SGCZ: variants seen among roughly 807,000 people sequenced by gnomAD.
The protein encoded by SGCZ is zeta-sarcoglycan.
SGCZ carries 40 observed loss-of-function variants against 41.3 expected under a neutral mutation model. The observed-to-expected ratio is 0.97, with a 90% CI of 0.75 to 1.26. The LOEUF is 1.26. Ranked by LOEUF, SGCZ falls within the 50% of genes most tolerant of loss-of-function variation. SGCZ has a pLI of 0.00. For synonymous variants in SGCZ, 206 were observed against 137.5 expected, an observed-to-expected ratio of 1.50 and a Z score of -3.49; for missense variants, 552 against 369.8, an observed-to-expected ratio of 1.49 and a Z score of -4.04.
intron 1 of SGCZ, among the ~76,000 whole-genome samples, chr8:14,622,165 T>A (rs1434570302): frequency 6.6e-6 from 1 of 152,072 alleles, no homozygotes; most frequent in Non-Finnish European, 1.5e-5. Context: ...AAAGGTAACT[T>A]ACATTGATTA....
intron 1 of SGCZ, among the ~76,000 whole-genome samples, chr8:15,009,057 A>G (rs556545930): frequency 6.6e-6 from 1 of 152,298 alleles, no homozygotes; most frequent in East Asian, 1.9e-4. Context: ...GAAATTAGTA[A>G]AAATCGTCAT....
chr8:14,368,752 G>GTT (rs1803806564), intron 2 of SGCZ, among the ~76,000 whole-genome samples: 2 of 151,980 alleles, frequency 1.3e-5, no homozygotes, highest in South Asian at 4.1e-4. Context: ...TGAGCACTGT[G>GTT]TTGGCTGCTA....
At chr8:14,289,823 T>TAAA (rs200037386) in intron 3 of SGCZ, among the ~76,000 whole-genome samples, 1 of 145,738 alleles carries the variant, frequency 6.9e-6, no homozygotes, top group African/African-American at 2.5e-5. Context: ...ACTAGATAAT[T>TAAA]AAAAAAAATA....
Position 15,004,241 on chromosome 8 carries a change from A to C in SGCZ, c.39+233344T>G, listed in dbSNP as rs563013485. 1.1e-4 allele frequency among the ~76,000 whole-genome samples: 16 copies of C among 152,246 alleles called. No individual in the cohort carries two copies. The South Asian group carries it at 3.1e-3, about 30-fold the overall frequency. On this transcript the variant is annotated intron_variant, in intron 1 of 7. Transcript: ENST00000382080. ...AGATACGCAGGTGCACCAAGTATAG[A>C]TTTGACTGCTACACAACCTTCCTGA...
At chr8:14,470,170 C>G (rs772870982) in intron 2 of SGCZ, among the ~76,000 whole-genome samples, 1 of 151,984 alleles carries the variant, frequency 6.6e-6, no homozygotes, top group Non-Finnish European at 1.5e-5. Flanking sequence ...GTGTCCACTA[C>G]TTTATATGTG....
chr8:14,733,051 C>T (rs902278353), intron 1 of SGCZ, among the ~76,000 whole-genome samples: 2 of 152,148 alleles, frequency 1.3e-5, no homozygotes, highest in Non-Finnish European at 2.9e-5. Flanking sequence ...GGTTCTATCA[C>T]TCCTAGAGAC....
chr8:14,576,752 A>C (rs1254264461), intron 1 of SGCZ, among the ~76,000 whole-genome samples: 1 of 152,192 alleles, frequency 6.6e-6, no homozygotes, highest in East Asian at 1.9e-4. Context: ...CATCAGTGGA[A>C]GAAGCATTGT....
chr8:14,145,016 T>G (rs1422618947), intron 5 of SGCZ, among the ~76,000 whole-genome samples: 1 of 152,172 alleles, frequency 6.6e-6, no homozygotes, highest in Non-Finnish European at 1.5e-5. Flanking sequence ...CCTAACTCCC[T>G]GATGGCACCT....
At chr8:14,702,974 C>CAGAT (rs1396882964) in intron 1 of SGCZ, among the ~76,000 whole-genome samples, 11 of 81,306 alleles carry the variant, frequency 1.4e-4, no homozygotes, top group Non-Finnish European at 2.3e-4. Flanking sequence ...GATAGATAGA[C>CAGAT]AGACAGACAG....
intron 5 of SGCZ, among the ~76,000 whole-genome samples, chr8:14,150,713 A>G (rs1803674081): frequency 6.6e-6 from 1 of 152,210 alleles, no homozygotes; most frequent in South Asian, 2.1e-4. Context: ...TCAAAGAGAT[A>G]TCTACATGCC....
intron 1 of SGCZ, among the ~76,000 whole-genome samples, chr8:15,223,406 A>T (rs1459737235): frequency 6.6e-6 from 1 of 151,948 alleles, no homozygotes; most frequent in Non-Finnish European, 1.5e-5. Context: ...CACAAAGACG[A>T]CTCCTTGTGT....
chr8:14,424,964 G>T (rs909643926), intron 2 of SGCZ, among the ~76,000 whole-genome samples: 2 of 152,070 alleles, frequency 1.3e-5, no homozygotes, highest in South Asian at 4.1e-4. Context: ...ATTTATCAGG[G>T]TAATTGAGAA....
intron 1 of SGCZ, among the ~76,000 whole-genome samples, chr8:15,149,376 C>T (rs986641881): frequency 3.9e-5 from 6 of 152,128 alleles, no homozygotes; most frequent in Non-Finnish European, 8.8e-5. Flanking sequence ...GGACTTCTTA[C>T]TGATGTCCCC....
intron 5 of SGCZ, among the ~76,000 whole-genome samples, chr8:14,110,407 T>TATCA (rs1386904062): frequency 2.0e-5 from 3 of 152,258 alleles, no homozygotes; most frequent in African/African-American, 4.8e-5. Context: ...GCACAAACTC[T>TATCA]ATCAGTGAAA....
At chr8:14,951,683 G>C (rs1258300465) in intron 1 of SGCZ, among the ~76,000 whole-genome samples, 1 of 151,942 alleles carries the variant, frequency 6.6e-6, no homozygotes, top group African/African-American at 2.4e-5. Flanking sequence ...AATGATTAAA[G>C]ACACATGCTT....
intron 1 of SGCZ, among the ~76,000 whole-genome samples, chr8:15,151,374 G>C (rs540502586): frequency 1.3e-5 from 2 of 152,188 alleles, no homozygotes; most frequent in African/African-American, 2.4e-5. Flanking sequence ...GGAGTCATTT[G>C]ATATGCTACA....
intron 2 of SGCZ, among the ~76,000 whole-genome samples, chr8:14,388,868 A>T (rs1035947318): frequency 6.6e-6 from 1 of 152,046 alleles, no homozygotes; most frequent in Non-Finnish European, 1.5e-5. Flanking sequence ...AAGCACTGTG[A>T]AAGAGATTGA....
intron 1 of SGCZ, among the ~76,000 whole-genome samples, chr8:14,740,584 T>C (rs575970914): frequency 1.3e-5 from 2 of 152,176 alleles, no homozygotes; most frequent in East Asian, 3.9e-4. Flanking sequence ...AGTGTGGAAC[T>C]GCACTAATTA....
At chr8:14,309,430 T>C in intron 3 of SGCZ, 1 of 1,606,640 alleles carries the variant, frequency 6.2e-7, no homozygotes, top group South Asian at 1.1e-5. Context: ...TTCTGTGCCT[T>C]ATTGGACAAT....
Sources: gnomAD v4.1 joint callset for allele counts (sites outside exome capture counted in the v4.1 genomes callset) on GRCh38, gnomAD v4.1.1 for gene constraint, MANE v1.5 for transcripts, NCBI Gene and HGNC (gene_info 2026-07-23, HGNC 2026-07-21) for gene names.